RIT2: variants seen among roughly 807,000 people sequenced by gnomAD.
RIT2 encodes the protein Ras like without CAAX 2, also known as GTP-binding protein Rit2.
A neutral mutation model predicts 23.7 loss-of-function variants in RIT2; 24 were observed. That is an observed-to-expected ratio of 1.01 (90% CI 0.73 to 1.43). RIT2 has a LOEUF of 1.43. Among genes scored for constraint, RIT2 ranks in the 40% most tolerant of loss-of-function variants. The pLI, the probability that RIT2 is intolerant of heterozygous loss-of-function variation, is 0.00. For synonymous variants in RIT2, 107 were observed against 91.1 expected, an observed-to-expected ratio of 1.17 and a Z score of -0.99; for missense variants, 236 against 266.9, an observed-to-expected ratio of 0.88 and a Z score of 0.81.
chr18:43,060,993 A>T (rs1421956403), intron 1 of RIT2, among the ~76,000 whole-genome samples: 2 of 152,120 alleles, frequency 1.3e-5, no homozygotes, highest in Admixed American at 6.6e-5. Flanking sequence ...AAGTGTTTTC[A>T]TGCACTCATT....
At chr18:42,990,912 G>GTTTTTTTTTT (rs77172671) in intron 2 of RIT2, among the ~76,000 whole-genome samples, 1 of 133,104 alleles carries the variant, frequency 7.5e-6, no homozygotes, top group Admixed American at 7.6e-5. Flanking sequence ...CACTGGTTTT[G>GTTTTTTTTTT]TTTTTTTTTT....
At chr18:43,042,224 T>A (rs1228509317) in intron 1 of RIT2, among the ~76,000 whole-genome samples, 1 of 152,144 alleles carries the variant, frequency 6.6e-6, no homozygotes, top group East Asian at 1.9e-4. Context: ...CTGACTTAAT[T>A]TTCTCGTCTG....
chr18:43,044,909 T>C (rs57771457), intron 1 of RIT2, among the ~76,000 whole-genome samples: 2,425 of 152,296 alleles, frequency 0.016, 72 homozygotes, highest in African/African-American at 0.054. Flanking sequence ...TTAAAAACTC[T>C]ATTCATCTTC....
chr18:42,897,188 C>T (rs16977109), intron 4 of RIT2, among the ~76,000 whole-genome samples: 2,348 of 152,276 alleles, frequency 0.015, 61 homozygotes, highest in African/African-American at 0.052. Flanking sequence ...TGATAACTTA[C>T]TCCCTTTTTG....
At chr18:42,868,651 A>C (rs1170480672) in intron 4 of RIT2, among the ~76,000 whole-genome samples, 1 of 152,246 alleles carries the variant, frequency 6.6e-6, no homozygotes, top group African/African-American at 2.4e-5. Flanking sequence ...GAGGTGGAAT[A>C]TACATGAGAC....
chr18:43,093,318 C>T (rs755827488), intron 1 of RIT2, among the ~76,000 whole-genome samples: 2 of 152,016 alleles, frequency 1.3e-5, no homozygotes, highest in South Asian at 2.1e-4. Context: ...CTGTACCTCC[C>T]TCCCTACTAT....
At chr18:42,856,598 C>G (rs188642322) in intron 4 of RIT2, among the ~76,000 whole-genome samples, 1 of 151,082 alleles carries the variant, frequency 6.6e-6, no homozygotes, top group East Asian at 2.1e-4. Context: ...ATAGTGATAT[C>G]AAGAGGAACA....
chr18:42,767,608 C>T (rs1413256829), intron 4 of RIT2, among the ~76,000 whole-genome samples: 1 of 152,006 alleles, frequency 6.6e-6, no homozygotes, highest in East Asian at 1.9e-4. Flanking sequence ...CTTTGGAGAA[C>T]TGTTGGGAAG....
intron 4 of RIT2, among the ~76,000 whole-genome samples, chr18:42,915,816 ATTAT>A (rs1908893637): frequency 6.6e-6 from 1 of 152,044 alleles, no homozygotes; most frequent in African/African-American, 2.4e-5. Context: ...TATGTTTAAA[ATTAT>A]TTTATATTTT....
intron 1 of RIT2, among the ~76,000 whole-genome samples, chr18:43,090,109 A>G (rs1913385756): frequency 6.6e-6 from 1 of 152,186 alleles, no homozygotes; most frequent in African/African-American, 2.4e-5. Context: ...GACAACCTAC[A>G]AAATGGAGGA....
chr18:42,960,647 T>A (rs1598730812), intron 3 of RIT2, among the ~76,000 whole-genome samples: 1 of 152,102 alleles, frequency 6.6e-6, no homozygotes, highest in African/African-American at 2.4e-5. Flanking sequence ...TCCTCAATGA[T>A]CATGAGTCCA....
chr18:42,973,565 A>G (rs77838675), intron 3 of RIT2, among the ~76,000 whole-genome samples: 144 of 151,962 alleles, frequency 9.5e-4, no homozygotes, highest in African/African-American at 3.3e-3. Flanking sequence ...TTTTTATGTC[A>G]CAAAAAAATT....
chr18:42,908,917 G>A (rs1436427817), intron 4 of RIT2, among the ~76,000 whole-genome samples: 13 of 152,076 alleles, frequency 8.5e-5, no homozygotes, highest in Admixed American at 8.5e-4. Flanking sequence ...ACGGTATGGT[G>A]ATTCCTTAAA....
chr18:43,085,900 G>A (rs1053326260), intron 1 of RIT2, among the ~76,000 whole-genome samples: 18 of 152,062 alleles, frequency 1.2e-4, no homozygotes, highest in African/African-American at 4.3e-4. Context: ...ATAAATAGGA[G>A]TTCCCCTGCA....
intron 2 of RIT2, among the ~76,000 whole-genome samples, chr18:43,002,137 G>A (rs1300427821): frequency 6.6e-6 from 1 of 151,978 alleles, no homozygotes; most frequent in Non-Finnish European, 1.5e-5. Context: ...GTCTGTGGCT[G>A]AAGACTCAAG....
At chr18:42,748,035 A>T (rs1912958850) in intron 4 of RIT2, among the ~76,000 whole-genome samples, 1 of 152,256 alleles carries the variant, frequency 6.6e-6, no homozygotes, top group African/African-American at 2.4e-5. Flanking sequence ...AAAGATAAAT[A>T]CTTGGGACTT....
At chr18:42,792,189 T>C (rs746570455) in intron 4 of RIT2, among the ~76,000 whole-genome samples, 2 of 152,200 alleles carry the variant, frequency 1.3e-5, no homozygotes, top group Non-Finnish European at 2.9e-5. Flanking sequence ...GCAATTTTTG[T>C]TTATTAACTC....
chr18:42,919,902 A>G lies in RIT2; in HGVS notation c.426+3670T>C, dbSNP rs1277250162. Among the ~76,000 whole-genome samples the G allele has an allele frequency of 2.6e-5, 4 of 152,250 alleles. No homozygotes were observed. In the East Asian group the frequency reaches 7.7e-4, roughly 29 times the overall value. On this transcript the variant is annotated intron_variant, in intron 4 of 4. Transcript: ENST00000326695. ...AAGACAGAAGCCTGCATGAATAGGGACAAAGACCTTGGGAGCTCAAGGACC... is the reference window on the plus strand; with the variant it reads ...AAGACAGAAGCCTGCATGAATAGGGGCAAAGACCTTGGGAGCTCAAGGACC...
chr18:42,818,107 A>G (rs1217796840), intron 4 of RIT2, among the ~76,000 whole-genome samples: 2 of 152,080 alleles, frequency 1.3e-5, no homozygotes, highest in Non-Finnish European at 2.9e-5. Flanking sequence ...TAAAACATCT[A>G]CTTAATATGC....
Sources: allele counts gnomAD v4.1 joint callset (sites outside exome capture counted in the v4.1 genomes callset), GRCh38; gene constraint gnomAD v4.1.1; transcripts MANE v1.5; gene names NCBI Gene and HGNC (gene_info 2026-07-23, HGNC 2026-07-21).